VCL: variants seen among roughly 807,000 people sequenced by gnomAD.
The protein encoded by VCL is vinculin.
In VCL, 47 loss-of-function variants were observed where a neutral mutation model predicts 125.7. That is an observed-to-expected ratio of 0.37 (90% CI 0.30 to 0.48). VCL has a LOEUF of 0.48. Ranked by LOEUF, VCL falls within the 20% of genes least tolerant of loss-of-function variation. The probability of loss-of-function intolerance (pLI) is 0.99; values close to 1 mark genes in which losing one functional copy is unlikely to be tolerated. For synonymous variants in VCL, 458 were observed against 514.6 expected (o/e 0.89, Z 1.49); for missense variants, 1,069 against 1,455.5 (o/e 0.73, Z 4.32).
chr10:74,101,712 C>A (rs576626301), intron 14 of VCL, among the ~76,000 whole-genome samples: 5 of 150,570 alleles, frequency 3.3e-5, no homozygotes, highest in African/African-American at 1.2e-4. Flanking sequence ...CCCGCCACCG[C>A]GCCCGGCTAA....
rs561614915 is a variant in VCL, at chr10:74,118,301, G to C, written c.*132G>C. The C allele has an allele frequency of 1.8e-6, 2 of 1,082,284 alleles. No homozygotes were observed. The highest frequency in any genetic ancestry group is 1.4e-6 in the Non-Finnish European group (1 of 727,496). 67.0% of individuals were successfully genotyped at this position (1,082,284 alleles called of 1,614,324 possible). A position where few individuals can be genotyped will look rare whatever the true frequency, so the allele number is the denominator to read the frequency against. ...TGGCCTGGCACATCAGAAAGGAATG[G>C]GGGCCTCTTCAAATTAGAAGACATT... On this transcript the variant is annotated 3_prime_UTR_variant, in exon 22 of 22. Coordinates refer to ENST00000211998, the MANE Select transcript of VCL (RefSeq NM_014000.3).
chr10:74,019,662 G>A (rs1157704701), intron 1 of VCL, among the ~76,000 whole-genome samples: 1 of 151,674 alleles, frequency 6.6e-6, no homozygotes, highest in Non-Finnish European at 1.5e-5. Context: ...GGAGAGGGAG[G>A]AAAAAGAAAA....
intron 1 of VCL, among the ~76,000 whole-genome samples, chr10:74,014,136 G>A (rs928751339): frequency 1.3e-5 from 2 of 152,204 alleles, no homozygotes; most frequent in African/African-American, 2.4e-5. Flanking sequence ...GAGGGAAAAA[G>A]TATATATATA....
intron 11 of VCL, among the ~76,000 whole-genome samples, chr10:74,094,800 C>G (rs1208284913): frequency 6.6e-6 from 1 of 152,040 alleles, no homozygotes; most frequent in Non-Finnish European, 1.5e-5. Flanking sequence ...GTGATGCTCA[C>G]CTGTAGTCAC....
At chr10:74,049,110 AAAACAAAC>A (rs71482566) in intron 2 of VCL, among the ~76,000 whole-genome samples, 8 of 146,622 alleles carry the variant, frequency 5.5e-5, no homozygotes, top group Admixed American at 6.8e-5. Flanking sequence ...CCATCTCAAA[AAAACAAAC>A]AAACAAACAA....
At chr10:74,004,699 C>A (rs1045207349) in intron 1 of VCL, among the ~76,000 whole-genome samples, 6 of 151,658 alleles carry the variant, frequency 4.0e-5, no homozygotes, top group African/African-American at 1.5e-4. Context: ...CATAGCATTT[C>A]TTTTCTTTTC....
chr10:73,998,688 A>G lies in VCL; in HGVS notation c.168+313A>G, dbSNP rs1187337531. Among the ~76,000 whole-genome samples, 3 of 152,308 alleles carry G rather than the reference A, an allele frequency of 2.0e-5. No homozygotes were observed. The East Asian group carries it at 5.8e-4, about 29-fold the overall frequency. ...GCGCGGCGTGTGGCCCACAGCAGAC[A>G]CCCAATAAATGAGAGTTGCTGGGAT... On this transcript the variant is annotated intron_variant, in intron 1 of 21. Transcript: ENST00000211998.
intron 2 of VCL, among the ~76,000 whole-genome samples, chr10:74,053,015 C>T (rs1453064089): frequency 6.7e-6 from 1 of 150,284 alleles, no homozygotes; most frequent in Admixed American, 6.6e-5. Context: ...TGCATTTTTG[C>T]TCATGAGGGA....
At chr10:74,117,126 C>G (rs952121375) in intron 21 of VCL, among the ~76,000 whole-genome samples, 1 of 152,118 alleles carries the variant, frequency 6.6e-6, no homozygotes, top group African/African-American at 2.4e-5. Context: ...TGGTTGGTTG[C>G]TTGGTTTGTT....
intron 13 of VCL, among the ~76,000 whole-genome samples, chr10:74,098,275 G>A (rs1028802066): frequency 1.3e-5 from 2 of 151,952 alleles, no homozygotes; most frequent in Admixed American, 6.6e-5. Context: ...TGTCACTTTC[G>A]GGTGACCACT....
intron 17 of VCL, 40 bp from the exon 18 acceptor site, chr10:74,108,931 G>A (rs748663987): frequency 5.6e-6 from 9 of 1,612,460 alleles, no homozygotes; most frequent in South Asian, 4.4e-5. Flanking sequence ...GGGGGGAGTA[G>A]TTTTAGGACT....
At chr10:74,104,604 T>C (rs758816353) in intron 15 of VCL, among the ~76,000 whole-genome samples, 5 of 151,906 alleles carry the variant, frequency 3.3e-5, no homozygotes, top group Non-Finnish European at 7.4e-5. Flanking sequence ...GAATAAGAAA[T>C]AGGCTGTTAG....
intron 20 of VCL, 139 bp from the exon 21 acceptor site, chr10:74,114,655 CA>C: frequency 1.0e-6 from 1 of 999,320 alleles, no homozygotes; most frequent in Admixed American, 2.0e-5. Context: ...GGGGAAAAAA[CA>C]AGTGGAATTC....
chr10:74,065,342 G>A (rs1841551722), intron 2 of VCL, among the ~76,000 whole-genome samples: 1 of 151,788 alleles, frequency 6.6e-6, no homozygotes, highest in African/African-American at 2.4e-5. Flanking sequence ...TCACCATGAT[G>A]GCCAGGCTGG....
At chr10:74,082,659 TG>T in intron 7 of VCL, 115 bp downstream of exon 7, 1 of 1,065,358 alleles carries the variant, frequency 9.4e-7, no homozygotes, top group Admixed American at 2.0e-5. Context: ...TGTAACATTA[TG>T]GGGCATACCC....
intron 2 of VCL, among the ~76,000 whole-genome samples, chr10:74,057,430 T>C (rs1189562697): frequency 6.6e-6 from 1 of 152,064 alleles, no homozygotes; most frequent in Non-Finnish European, 1.5e-5. Context: ...GAAGGGATAA[T>C]TTGGGGGGCC....
intron 2 of VCL, among the ~76,000 whole-genome samples, chr10:74,053,223 A>G (rs1163809259): frequency 6.6e-6 from 1 of 152,106 alleles, no homozygotes; most frequent in Non-Finnish European, 1.5e-5. Context: ...AGGAAGAGAT[A>G]TGACTAAAAA....
At chr10:74,062,044 C>T (rs547857754) in intron 2 of VCL, among the ~76,000 whole-genome samples, 3 of 151,562 alleles carry the variant, frequency 2.0e-5, no homozygotes, top group East Asian at 3.9e-4. Flanking sequence ...GCTACAGGCG[C>T]ACAACACCAT....
At chr10:74,100,863 C>A (rs1475949701) in intron 13 of VCL, 85 bp from the exon 14 acceptor site, 1 of 1,528,124 alleles carries the variant, frequency 6.5e-7, no homozygotes, top group Non-Finnish European at 9.0e-7. Context: ...CAGTTGCTGC[C>A]CTTCTTAAAG....
Sources: allele counts gnomAD v4.1 joint callset (sites outside exome capture counted in the v4.1 genomes callset), GRCh38; gene constraint gnomAD v4.1.1; transcripts MANE v1.5; gene names NCBI Gene and HGNC (gene_info 2026-07-23, HGNC 2026-07-21).